Variants in RDX observed in about 807,000 individuals in gnomAD.
RDX encodes the protein deafness, autosomal recessive 24.
Under a neutral mutation model 83.7 loss-of-function variants are expected in RDX, and 32 were observed. The observed-to-expected ratio is 0.38, with a 90% CI of 0.29 to 0.51. RDX has a LOEUF of 0.51. Among genes scored for constraint, RDX ranks in the 20% least tolerant of loss-of-function variants. The pLI, the probability that RDX is intolerant of heterozygous loss-of-function variation, is 0.87. For synonymous variants in RDX, 229 were observed against 222.7 expected (o/e 1.03, Z -0.25); for missense variants, 600 against 689.9 (o/e 0.87, Z 1.46).
chr11:110,218,195 T>G (rs544345385), intron 14 of RDX, among the ~76,000 whole-genome samples: 45 of 152,290 alleles, frequency 3.0e-4, no homozygotes, highest in African/African-American at 9.9e-4. Context: ...AGACAGCATT[T>G]TCTTGTTCTT....
intron 5 of RDX, 108 bp from the exon 6 acceptor site, chr11:110,258,297 C>T: frequency 1.4e-6 from 1 of 702,744 alleles, no homozygotes; most frequent in Non-Finnish European, 2.4e-6. Flanking sequence ...AGTTGTCAGA[C>T]AATTAATACA....
chr11:110,237,378 T>A (rs1462469911), intron 11 of RDX, 114 bp downstream of exon 11: 5 of 943,758 alleles, frequency 5.3e-6, no homozygotes, highest in Non-Finnish European at 7.9e-6. Flanking sequence ...TTACATGTTA[T>A]CTTTGGCTTG....
chr11:110,254,175 C>T (rs1169708331), intron 8 of RDX, 66 bp from the exon 9 acceptor site: 1 of 1,371,502 alleles, frequency 7.3e-7, no homozygotes, highest in East Asian at 2.4e-5. Flanking sequence ...ACAATCTGTA[C>T]TAAATTTTAA....
At chr11:110,268,421 T>C (rs1469317424) in intron 3 of RDX, among the ~76,000 whole-genome samples, 1 of 151,922 alleles carries the variant, frequency 6.6e-6, no homozygotes, top group Non-Finnish European at 1.5e-5. Context: ...AAAAATTCAA[T>C]GTGGACAAAA....
At chr11:110,194,189 C>T (rs528720666) in intron 15 of RDX, among the ~76,000 whole-genome samples, 97 of 152,346 alleles carry the variant, frequency 6.4e-4, no homozygotes, top group African/African-American at 2.3e-3. Context: ...CCTCAATTCT[C>T]TTCCAGGCTG....
chr11:110,264,372 T>C, intron 4 of RDX, 138 bp from the exon 5 acceptor site: 1 of 643,422 alleles, frequency 1.6e-6, no homozygotes, highest in Non-Finnish European at 2.6e-6. Context: ...TGTAATAGTC[T>C]AAATCTGTAA....
At chr11:110,239,581 G>C (rs1864999441) in intron 10 of RDX, among the ~76,000 whole-genome samples, 2 of 152,128 alleles carry the variant, frequency 1.3e-5, no homozygotes. Context: ...TGAAAAAAAT[G>C]TTCATCACTA....
chr11:110,286,499 G>A (rs934316573), intron 1 of RDX, among the ~76,000 whole-genome samples: 2 of 152,230 alleles, frequency 1.3e-5, no homozygotes, highest in Non-Finnish European at 2.9e-5. Flanking sequence ...AGTGGCACAA[G>A]ACTCACACCT....
chr11:110,244,966 T>TG (rs1441424902), intron 10 of RDX, among the ~76,000 whole-genome samples: 1 of 143,806 alleles, frequency 7.0e-6, no homozygotes, highest in Non-Finnish European at 1.5e-5. Context: ...ACTTCAAAGT[T>TG]TTTTTTTTTT....
intron 14 of RDX, among the ~76,000 whole-genome samples, chr11:110,209,936 C>G (rs1347535076): frequency 8.8e-5 from 13 of 148,466 alleles, no homozygotes. Context: ...AGTGCCTCTC[C>G]TCCTCCAAAG....
chr11:110,285,100 ATAT>A (rs771507653), intron 1 of RDX, among the ~76,000 whole-genome samples: 1 of 152,044 alleles, frequency 6.6e-6, no homozygotes, highest in African/African-American at 2.4e-5. Context: ...TATCAAGAGA[ATAT>A]TGTTGCCGGG....
intron 10 of RDX, among the ~76,000 whole-genome samples, chr11:110,241,551 C>T (rs1391806604): frequency 1.3e-5 from 2 of 152,198 alleles, no homozygotes; most frequent in Non-Finnish European, 2.9e-5. Flanking sequence ...CCCGCCTTGG[C>T]CTCCCAAAGT....
chr11:110,192,289 G>A (rs545954985), intron 15 of RDX, among the ~76,000 whole-genome samples: 1 of 152,284 alleles, frequency 6.6e-6, no homozygotes, highest in South Asian at 2.1e-4. Flanking sequence ...CGTGGGGAAA[G>A]GACTCCCTAT....
intron 14 of RDX, among the ~76,000 whole-genome samples, chr11:110,223,337 A>G (rs965383411): frequency 6.6e-6 from 1 of 152,068 alleles, no homozygotes; most frequent in Non-Finnish European, 1.5e-5. Flanking sequence ...TGGGCGACAG[A>G]GCGAGACTCC....
chr11:110,282,421 T>C (rs568345971), intron 1 of RDX, among the ~76,000 whole-genome samples: 2 of 152,226 alleles, frequency 1.3e-5, no homozygotes, highest in South Asian at 4.2e-4. Flanking sequence ...TTTTTTTTGA[T>C]ATGAAAAGAC....
chr11:110,210,211 T>C (rs1339901127), intron 14 of RDX, among the ~76,000 whole-genome samples: 1 of 133,646 alleles, frequency 7.5e-6, no homozygotes, highest in Non-Finnish European at 1.6e-5. Context: ...CAGGAGCCGA[T>C]GCAATCAACT....
At chr11:110,236,620 TTCC>T (rs963406815) in intron 11 of RDX, 3 of 162,516 alleles carry the variant, frequency 1.8e-5, no homozygotes, top group East Asian at 1.8e-4. Flanking sequence ...GGTAGTATCA[TTCC>T]TCCTTTTTTT....
chr11:110,209,458 C>G (rs560133873), intron 14 of RDX, among the ~76,000 whole-genome samples: 2 of 152,308 alleles, frequency 1.3e-5, no homozygotes, highest in East Asian at 1.9e-4. Context: ...ACAAAGCAGC[C>G]GGGAAGCTCG....
intron 10 of RDX, among the ~76,000 whole-genome samples, chr11:110,241,065 A>AT (rs1170526224): frequency 6.7e-6 from 1 of 150,106 alleles, no homozygotes; most frequent in African/African-American, 2.4e-5. Context: ...CCAAAAAAAA[A>AT]AAAAAAAAAA....
Sources: gnomAD v4.1 joint callset for allele counts (sites outside exome capture counted in the v4.1 genomes callset) on GRCh38, gnomAD v4.1.1 for gene constraint, MANE v1.5 for transcripts, NCBI Gene and HGNC (gene_info 2026-07-23, HGNC 2026-07-21) for gene names.